ZCWPW2: variants seen among roughly 807,000 people sequenced by gnomAD.
The protein encoded by ZCWPW2 is zinc finger CW-type PWWP domain protein 2.
In ZCWPW2, 45 loss-of-function variants were observed where a neutral mutation model predicts 46.6. The ratio of observed to expected loss-of-function variants is 0.96; its 90% CI spans 0.76 to 1.24. The LOEUF (loss-of-function observed/expected upper bound fraction) is 1.24, where lower values mean the gene tolerates loss of function less well. ZCWPW2 is among the 50% of genes most tolerant of loss of function. The pLI, the probability that ZCWPW2 is intolerant of heterozygous loss-of-function variation, is 0.00. For missense variants in ZCWPW2, 429 were observed against 403.9 expected (o/e 1.06, Z -0.53); for synonymous variants, 152 against 137.1 (o/e 1.11, Z -0.76).
intron 1 of ZCWPW2, among the ~76,000 whole-genome samples, chr3:28,376,935 C>T (rs1347846551): frequency 6.6e-6 from 1 of 152,092 alleles, no homozygotes; most frequent in Non-Finnish European, 1.5e-5. Flanking sequence ...TGTGAACATA[C>T]TGTTTAAGCA....
At chr3:28,447,143 C>A (rs1179656206) in intron 4 of ZCWPW2, among the ~76,000 whole-genome samples, 3 of 152,060 alleles carry the variant, frequency 2.0e-5, no homozygotes, top group African/African-American at 7.2e-5. Flanking sequence ...GGGCACACTT[C>A]CTAACTCATT....
intron 2 of ZCWPW2, among the ~76,000 whole-genome samples, chr3:28,392,789 G>C (rs1044443079): frequency 6.6e-6 from 1 of 151,896 alleles, no homozygotes; most frequent in African/African-American, 2.4e-5. Context: ...TACCAAAACT[G>C]ATGGGCTGAT....
At chr3:28,408,414 C>T (rs1483764862) in intron 2 of ZCWPW2, among the ~76,000 whole-genome samples, 2 of 152,094 alleles carry the variant, frequency 1.3e-5, no homozygotes, top group African/African-American at 4.8e-5. Context: ...TCTCATACTT[C>T]ATTATTTGCA....
intron 6 of ZCWPW2, among the ~76,000 whole-genome samples, chr3:28,498,238 C>CGTGT (rs56760870): frequency 0.05 from 7,273 of 145,534 alleles, 498 homozygotes; most frequent in African/African-American, 0.16. Flanking sequence ...TACATATATA[C>CGTGT]GTGTGTGTGT....
chr3:28,490,951 A>G (rs1458987836), intron 5 of ZCWPW2, among the ~76,000 whole-genome samples: 1 of 152,076 alleles, frequency 6.6e-6, no homozygotes, highest in Non-Finnish European at 1.5e-5. Context: ...GAGATTTTGG[A>G]TGAAATACAT....
chr3:28,380,178 G>T (rs1019570326), intron 1 of ZCWPW2, among the ~76,000 whole-genome samples: 65 of 152,008 alleles, frequency 4.3e-4, no homozygotes, highest in African/African-American at 1.5e-3. Context: ...TAGACACGGG[G>T]TTTCACCATG....
At chr3:28,467,529 C>G (rs949626082) in intron 4 of ZCWPW2, among the ~76,000 whole-genome samples, 3 of 152,094 alleles carry the variant, frequency 2.0e-5, no homozygotes, top group African/African-American at 4.8e-5. Context: ...TTACAGTGGG[C>G]CTTGGGTGAG....
At chr3:28,380,898 T>C (rs1017451664) in intron 1 of ZCWPW2, among the ~76,000 whole-genome samples, 4 of 138,964 alleles carry the variant, frequency 2.9e-5, no homozygotes, top group African/African-American at 1.1e-4. Context: ...AAAATATATA[T>C]ACTTTGTTGA....
intron 4 of ZCWPW2, among the ~76,000 whole-genome samples, chr3:28,476,296 G>A (rs953902117): frequency 6.6e-6 from 1 of 151,976 alleles, no homozygotes; most frequent in Admixed American, 6.6e-5. Context: ...AAAATGCAAA[G>A]CACAGTTGAG....
At chr3:28,465,060 A>T (rs914216686) in intron 4 of ZCWPW2, among the ~76,000 whole-genome samples, 1 of 152,230 alleles carries the variant, frequency 6.6e-6, no homozygotes, top group African/African-American at 2.4e-5. Flanking sequence ...AAATGTTTCC[A>T]TGCTTTCAAA....
intron 4 of ZCWPW2, among the ~76,000 whole-genome samples, chr3:28,459,017 G>T (rs1160614867): frequency 2.0e-5 from 3 of 151,868 alleles, no homozygotes. Context: ...TGTTTGTTTT[G>T]ATCTACTCTT....
chr3:28,454,080 G>A (rs1160845841), intron 4 of ZCWPW2, among the ~76,000 whole-genome samples: 4 of 151,636 alleles, frequency 2.6e-5, no homozygotes, highest in Non-Finnish European at 5.9e-5. Flanking sequence ...TCCTGACCTC[G>A]TGATCCGCCC....
intron 2 of ZCWPW2, among the ~76,000 whole-genome samples, chr3:28,410,893 G>A (rs1696373276): frequency 6.6e-6 from 1 of 151,830 alleles, no homozygotes; most frequent in Non-Finnish European, 1.5e-5. Context: ...AAAAAAGAGA[G>A]GGCATAAACA....
intron 4 of ZCWPW2, among the ~76,000 whole-genome samples, chr3:28,435,551 T>C (rs1021614549): frequency 6.7e-6 from 1 of 150,038 alleles, no homozygotes; most frequent in Admixed American, 6.7e-5. Context: ...AATGGCGCGA[T>C]CTCGGCTCAC....
intron 2 of ZCWPW2, among the ~76,000 whole-genome samples, chr3:28,409,495 G>A (rs909082167): frequency 4.6e-4 from 70 of 151,968 alleles, no homozygotes; most frequent in Non-Finnish European, 1.3e-4. Flanking sequence ...AAAACATATG[G>A]AAAAATCTAA....
chr3:28,430,997 A>G (rs1158935234), intron 3 of ZCWPW2, among the ~76,000 whole-genome samples: 2 of 152,108 alleles, frequency 1.3e-5, no homozygotes, highest in Admixed American at 6.6e-5. Flanking sequence ...ACAAGTAATA[A>G]CTTTTTTATT....
intron 1 of ZCWPW2, among the ~76,000 whole-genome samples, chr3:28,383,021 C>G (rs1481001238): frequency 6.6e-6 from 1 of 152,078 alleles, no homozygotes; most frequent in African/African-American, 2.4e-5. Context: ...ATCACTCAAC[C>G]CTGTACTATT....
chr3:28,439,377 T>C (rs2125768412), intron 4 of ZCWPW2, among the ~76,000 whole-genome samples: 1 of 152,216 alleles, frequency 6.6e-6, no homozygotes, highest in East Asian at 1.9e-4. Flanking sequence ...TTTGTCTGCC[T>C]GCTTTATACT....
intron 4 of ZCWPW2, among the ~76,000 whole-genome samples, chr3:28,445,655 T>G (rs1330861254): frequency 6.6e-6 from 1 of 152,076 alleles, no homozygotes; most frequent in Non-Finnish European, 1.5e-5. Flanking sequence ...TAAGACATGT[T>G]GAAAACAAAT....
Sources: allele counts gnomAD v4.1 joint callset (sites outside exome capture counted in the v4.1 genomes callset), GRCh38; gene constraint gnomAD v4.1.1; transcripts MANE v1.5; gene names NCBI Gene and HGNC (gene_info 2026-07-23, HGNC 2026-07-21).